Variants in CLSTN2 observed in about 807,000 individuals in gnomAD.
CLSTN2 encodes calsyntenin 2, also known as calsyntenin-2.
In CLSTN2, 48 loss-of-function variants were observed where a neutral mutation model predicts 101.2. The ratio of observed to expected loss-of-function variants is 0.47; its 90% confidence interval spans 0.38 to 0.60. The LOEUF (loss-of-function observed/expected upper bound fraction) is 0.60. Ranked by LOEUF, CLSTN2 falls within the 20% of genes least tolerant of loss-of-function variation. The probability of loss-of-function intolerance (pLI) is 0.00; values close to 1 mark genes in which losing one functional copy is unlikely to be tolerated. For missense variants in CLSTN2, 1,160 were observed against 1,238.2 expected (o/e 0.94, Z 0.95); for synonymous variants, 481 against 463.6 (o/e 1.04, Z -0.48).
chr3:140,501,520 C>T (rs375019358), intron 8 of CLSTN2, among the ~76,000 whole-genome samples: 58 of 152,152 alleles, frequency 3.8e-4, no homozygotes, highest in African/African-American at 1.3e-3. Flanking sequence ...AATGGGAGCT[C>T]CATGCTTTTC....
intron 4 of CLSTN2, among the ~76,000 whole-genome samples, chr3:140,408,874 A>G (rs1002627881): frequency 6.6e-6 from 1 of 152,178 alleles, no homozygotes; most frequent in Non-Finnish European, 1.5e-5. Context: ...ACCAGGTCTA[A>G]CAGTTGAAAA....
intron 1 of CLSTN2, among the ~76,000 whole-genome samples, chr3:139,977,994 GGGCT>G (rs1317188938): frequency 6.6e-6 from 1 of 152,164 alleles, no homozygotes; most frequent in Non-Finnish European, 1.5e-5. Flanking sequence ...ACACTGGGAG[GGGCT>G]GGCTCTGAGG....
intron 2 of CLSTN2, among the ~76,000 whole-genome samples, chr3:140,402,083 A>G (rs1479325054): frequency 6.6e-6 from 1 of 152,252 alleles, no homozygotes; most frequent in African/African-American, 2.4e-5. Context: ...AATGAAATTG[A>G]GGATCAATGA....
intron 1 of CLSTN2, among the ~76,000 whole-genome samples, chr3:140,010,374 C>T (rs2007047544): frequency 6.6e-6 from 1 of 152,196 alleles, no homozygotes; most frequent in Non-Finnish European, 1.5e-5. Flanking sequence ...TGGCTTTAGA[C>T]ATGGCTGCAT....
intron 1 of CLSTN2, among the ~76,000 whole-genome samples, chr3:140,115,849 T>C (rs1168234652): frequency 6.6e-6 from 1 of 152,230 alleles, no homozygotes; most frequent in Non-Finnish European, 1.5e-5. Context: ...TTCCTAGGCT[T>C]GATCAGAAAT....
intron 6 of CLSTN2, among the ~76,000 whole-genome samples, chr3:140,453,650 T>C (rs955371948): frequency 4.6e-5 from 7 of 152,204 alleles, no homozygotes; most frequent in African/African-American, 1.7e-4. Flanking sequence ...AATATTTGAA[T>C]GGTAGATTTG....
intron 1 of CLSTN2, among the ~76,000 whole-genome samples, chr3:140,167,107 C>T (rs1211224702): frequency 1.3e-5 from 2 of 152,182 alleles, no homozygotes; most frequent in Non-Finnish European, 2.9e-5. Context: ...GGTTCTCCAG[C>T]ATCCCATGAA....
At chr3:139,983,037 T>C (rs568752249) in intron 1 of CLSTN2, among the ~76,000 whole-genome samples, 17 of 151,638 alleles carry the variant, frequency 1.1e-4, no homozygotes, top group African/African-American at 4.1e-4. Flanking sequence ...GATCAGTACT[T>C]CAAAGCAGTC....
At chr3:140,223,670 T>C (rs552175353) in intron 2 of CLSTN2, among the ~76,000 whole-genome samples, 102 of 152,320 alleles carry the variant, frequency 6.7e-4, no homozygotes, top group Middle Eastern at 3.4e-3. Context: ...GATACTCTGT[T>C]TCCTGTGCCT....
intron 2 of CLSTN2, among the ~76,000 whole-genome samples, chr3:140,289,121 G>A (rs1239184761): frequency 6.6e-6 from 1 of 152,174 alleles, no homozygotes; most frequent in African/African-American, 2.4e-5. Context: ...TGCTTACTGT[G>A]TGCCAGGCAT....
At chr3:140,070,173 G>C (rs923536631) in intron 1 of CLSTN2, among the ~76,000 whole-genome samples, 6 of 152,230 alleles carry the variant, frequency 3.9e-5, no homozygotes, top group Non-Finnish European at 8.8e-5. Flanking sequence ...TTAGATAACA[G>C]CATCCTTGCC....
intron 1 of CLSTN2, among the ~76,000 whole-genome samples, chr3:140,098,321 G>T (rs77442230): frequency 6.6e-6 from 1 of 152,100 alleles, no homozygotes; most frequent in Non-Finnish European, 1.5e-5. Flanking sequence ...ACCAACTTCT[G>T]CAAAGATGGT....
chr3:140,478,548 A>G (rs2107750190), intron 8 of CLSTN2, among the ~76,000 whole-genome samples: 1 of 152,360 alleles, frequency 6.6e-6, no homozygotes, highest in Non-Finnish European at 1.5e-5. Context: ...TTGTAGAGAC[A>G]GAAAGCAGAT....
chr3:140,241,790 GAT>G (rs36099204), intron 2 of CLSTN2, among the ~76,000 whole-genome samples: 130,725 of 138,516 alleles, frequency 0.94, 61,779 homozygotes, highest in East Asian at 0.98. Flanking sequence ...TCATATGCGA[GAT>G]ATATATATAT....
intron 4 of CLSTN2, among the ~76,000 whole-genome samples, chr3:140,418,495 T>G (rs1009767601): frequency 3.5e-5 from 4 of 113,716 alleles, no homozygotes; most frequent in Non-Finnish European, 6.8e-5. Flanking sequence ...TTCTAGTTCT[T>G]TCTTTCTTTC....
At chr3:140,351,102 C>A (rs986753112) in intron 2 of CLSTN2, among the ~76,000 whole-genome samples, 2 of 152,178 alleles carry the variant, frequency 1.3e-5, no homozygotes, top group Non-Finnish European at 2.9e-5. Context: ...ACAGGGAAGA[C>A]TTCCCAGAGT....
At chr3:140,530,225 A>G (rs893850208) in intron 8 of CLSTN2, among the ~76,000 whole-genome samples, 5 of 151,982 alleles carry the variant, frequency 3.3e-5, no homozygotes, top group African/African-American at 1.2e-4. Context: ...CTTAAAATGA[A>G]ATTTTTAAAG....
chr3:140,284,134 C>T (rs1043685794), intron 2 of CLSTN2, among the ~76,000 whole-genome samples: 7 of 152,146 alleles, frequency 4.6e-5, no homozygotes, highest in Non-Finnish European at 7.4e-5. Flanking sequence ...GCAAGATACT[C>T]ACTGTTGAAA....
intron 2 of CLSTN2, among the ~76,000 whole-genome samples, chr3:140,349,419 A>G (rs1037084983): frequency 6.6e-6 from 1 of 152,220 alleles, no homozygotes; most frequent in Non-Finnish European, 1.5e-5. Flanking sequence ...GGAAGTTAGT[A>G]TAGGAATAAA....
Sources: allele counts gnomAD v4.1 joint callset (sites outside exome capture counted in the v4.1 genomes callset), GRCh38; gene constraint gnomAD v4.1.1; transcripts MANE v1.5; gene names NCBI Gene and HGNC (gene_info 2026-07-23, HGNC 2026-07-21).